EFL1: variants seen among roughly 807,000 people sequenced by gnomAD.
EFL1 encodes elongation factor like GTPase 1.
Under a neutral mutation model 126.7 loss-of-function variants are expected in EFL1, and 76 were observed. That is an observed-to-expected ratio of 0.60 (90% CI 0.50 to 0.73). The LOEUF (loss-of-function observed/expected upper bound fraction) is 0.73. Among genes scored for constraint, EFL1 ranks in the 30% least tolerant of loss-of-function variants. The pLI, the probability that EFL1 is intolerant of heterozygous loss-of-function variation, is 0.00. For synonymous variants in EFL1, 410 were observed against 448.4 expected (o/e 0.91, Z 1.08); for missense variants, 1,128 against 1,343.2 (o/e 0.84, Z 2.50).
intron 7 of EFL1, among the ~76,000 whole-genome samples, chr15:82,233,483 T>C (rs912375498): frequency 1.4e-4 from 21 of 152,180 alleles, no homozygotes; most frequent in African/African-American, 4.8e-4. Flanking sequence ...ACACACCCTT[T>C]TGCCCTCCAA....
Position 82,152,055 on chromosome 15 carries a change from A to C in EFL1, c.2399T>G (p.Ile800Ser). The change falls in exon 18 of 20, where the codon ATT (isoleucine) becomes AGT (serine). Residue 800 changes from isoleucine (I) to serine (S), a missense_variant. Ile to Ser is a moderately radical substitution (Grantham distance 142, BLOSUM62 -2). This residue lies in a region of EFL1 where 561 missense variants were observed against 641.7 expected (regional missense o/e 0.87). Coordinates refer to ENST00000268206, the MANE Select transcript of EFL1 (RefSeq NM_024580.6). ...HMIHQKTQEK[I>S]WEFKGKLEQH... ...CTCCAGTTTTCCTTTGAATTCCCAA[A>C]TTTTCTCTTGGGTCTTCTGATGAAT... is the stretch of plus-strand genomic sequence containing the variant. The C allele has an allele frequency of 6.2e-7, 1 of 1,613,850 alleles. No homozygotes were observed. The highest frequency in any genetic ancestry group is 8.5e-7 in the Non-Finnish European group (1 of 1,179,978).
At chr15:82,153,665 T>C (rs2073936930) in intron 17 of EFL1, among the ~76,000 whole-genome samples, 1 of 152,222 alleles carries the variant, frequency 6.6e-6, no homozygotes, top group African/African-American at 2.4e-5. Flanking sequence ...CATTATGCTA[T>C]ACTGAAAAAT....
rs1367712356 is a variant in EFL1, at chr15:82,228,216, C to T, written c.1044G>A (p.Trp348Ter). ...KVQINAICSQ[W>*]LPISHAVLAM... Reference sequence around the variant, plus strand: ...CAAGAACAGCATGGGATATGGGTAGCCACTGACTGCAAATGGCGTTGATCT... The same window carrying T: ...CAAGAACAGCATGGGATATGGGTAGTCACTGACTGCAAATGGCGTTGATCT... The change falls in exon 10 of 20, where the codon TGG (tryptophan) becomes TGA (stop). Residue 348 changes from tryptophan (W) to a stop codon, truncating the protein, a stop_gained. Transcript: ENST00000268206. LOFTEE classifies it high-confidence loss of function. 1 of 1,613,374 alleles carries T rather than the reference C, an allele frequency of 6.2e-7. No homozygotes were observed. The highest frequency in any genetic ancestry group is 8.5e-7 in the Non-Finnish European group (1 of 1,179,850).
chr15:82,238,192 T>C lies in EFL1; in HGVS notation c.731+115A>G, dbSNP rs1306640024. ...AAGGGCACCAGAGAACTCTCTGCAT[T>C]ATCTCTTACAACTATAGGTGAATCT... On this transcript the variant is annotated intron_variant, in intron 7 of 19. Coordinates refer to ENST00000268206, the MANE Select transcript of EFL1 (RefSeq NM_024580.6). 5.2e-6 allele frequency: 6 copies of C among 1,149,966 alleles called. No individual in the cohort carries two copies. In the Admixed American group the frequency reaches 1.2e-4, roughly 24 times the overall value. 71.2% of individuals were successfully genotyped at this position (1,149,966 alleles called of 1,614,324 possible). A position where few individuals can be genotyped will look rare whatever the true frequency, so the allele number is the denominator to read the frequency against.
At position 82,174,396 on chromosome 15, in the gene EFL1, TA is replaced by T. The variant is rs544214683; in HGVS notation, c.1751-10413del. The T allele has an allele frequency of 6.6e-5, 10 of 151,424 alleles. No homozygotes were observed. In the South Asian group the frequency reaches 8.4e-4, roughly 13 times the overall value. 9.4% of individuals were successfully genotyped at this position (151,424 alleles called of 1,614,324 possible). A position where few individuals can be genotyped will look rare whatever the true frequency, so the allele number is the denominator to read the frequency against. ...CTACCAAGTAAGTACCTATGATGAT[TA>T]AAAAAAAATGTTTAAAAATAACTAG... On this transcript the variant is annotated intron_variant, in intron 15 of 19. Transcript: ENST00000268206.
intron 4 of EFL1, among the ~76,000 whole-genome samples, chr15:82,244,247 AG>A (rs2141330257): frequency 6.6e-6 from 1 of 152,246 alleles, no homozygotes; most frequent in South Asian, 2.1e-4. Flanking sequence ...CTGTGACTTC[AG>A]CCACATTATG....
intron 19 of EFL1, among the ~76,000 whole-genome samples, chr15:82,137,330 T>C (rs1435304283): frequency 1.3e-5 from 2 of 152,160 alleles, no homozygotes; most frequent in Admixed American, 6.5e-5. Flanking sequence ...CAGCTTAGCA[T>C]TGAAGCTAAA....
At chr15:82,165,190 G>A (rs925390189) in intron 15 of EFL1, among the ~76,000 whole-genome samples, 2 of 152,072 alleles carry the variant, frequency 1.3e-5, no homozygotes, top group African/African-American at 4.8e-5. Context: ...GATCGCTTAA[G>A]CACAGGAGTT....
At chr15:82,179,849 G>C (rs1282966246) in intron 15 of EFL1, among the ~76,000 whole-genome samples, 2 of 151,792 alleles carry the variant, frequency 1.3e-5, no homozygotes, top group Non-Finnish European at 2.9e-5. Flanking sequence ...TCAAGGTGGA[G>C]AGGGTGAAAC....
intron 14 of EFL1, among the ~76,000 whole-genome samples, chr15:82,217,692 C>G (rs2074665224): frequency 6.6e-6 from 1 of 152,170 alleles, no homozygotes; most frequent in East Asian, 1.9e-4. Flanking sequence ...AAAAGTGCCC[C>G]TCCCATGATG....
chr15:82,189,636 T>C (rs1057431271), intron 15 of EFL1, among the ~76,000 whole-genome samples: 15 of 152,138 alleles, frequency 9.9e-5, no homozygotes, highest in African/African-American at 3.4e-4. Context: ...TCTCCCAATG[T>C]CTCCCCTGTA....
At position 82,152,019 on chromosome 15, in the gene EFL1, G is replaced by A; in HGVS notation, c.2435C>T (p.Thr812Ile). ...AACAATGTTCCTCCATCTTCTCCCTGTTAGGTGTTGCTCCAGTTTTCCTTT... is the reference window on the plus strand; with the variant it reads ...AACAATGTTCCTCCATCTTCTCCCTATTAGGTGTTGCTCCAGTTTTCCTTT... The part of the protein sequence containing the change: ...EFKGKLEQHL[T>I]GRRWRNIVDQ... Residue 812 changes from threonine to isoleucine, a missense_variant, in exon 18 of 20, where the codon ACA (threonine) becomes ATA (isoleucine). This residue lies in a region of EFL1 where 561 missense variants were observed against 641.7 expected (regional missense o/e 0.87). Transcript: ENST00000268206. 6.2e-7 allele frequency: 1 copy of A among 1,614,138 alleles called. No homozygotes were observed. The highest frequency in any genetic ancestry group is 8.5e-7 in the Non-Finnish European group (1 of 1,180,040).
intron 15 of EFL1, among the ~76,000 whole-genome samples, chr15:82,198,477 G>C (rs143542416): frequency 5.3e-4 from 81 of 152,312 alleles, no homozygotes; most frequent in Non-Finnish European, 1.1e-3. Flanking sequence ...TCCTGCTTAT[G>C]AGAAGAGATC....
chr15:82,164,852 G>A (rs540679664), intron 15 of EFL1, among the ~76,000 whole-genome samples: 9 of 149,750 alleles, frequency 6.0e-5, no homozygotes, highest in Admixed American at 2.0e-4. Flanking sequence ...AGCCAAGATC[G>A]TGCCACTGCA....
intron 15 of EFL1, among the ~76,000 whole-genome samples, chr15:82,176,597 TCA>T (rs1398673143): frequency 1.3e-5 from 2 of 152,132 alleles, no homozygotes; most frequent in Non-Finnish European, 2.9e-5. Flanking sequence ...ACTTCTCTAG[TCA>T]CCAGCAAAAT....
chr15:82,248,193 G>C (rs1314462531), intron 4 of EFL1, among the ~76,000 whole-genome samples: 1 of 152,086 alleles, frequency 6.6e-6, no homozygotes, highest in East Asian at 1.9e-4. Flanking sequence ...CGTGTACCTA[G>C]TTTCTTAGGC....
At chr15:82,230,555 T>C (rs780784743) in intron 8 of EFL1, among the ~76,000 whole-genome samples, 39 of 151,774 alleles carry the variant, frequency 2.6e-4, no homozygotes, top group Non-Finnish European at 5.0e-4. Flanking sequence ...CAGCACAAAA[T>C]GTGTGTCTTC....
intron 15 of EFL1, among the ~76,000 whole-genome samples, chr15:82,198,374 C>CT (rs1216058759): frequency 6.6e-6 from 1 of 152,304 alleles, no homozygotes; most frequent in African/African-American, 2.4e-5. Context: ...CCAAGAAAGC[C>CT]ATTCTGGACC....
intron 4 of EFL1, 44 bp from the exon 5 acceptor site, chr15:82,241,447 C>G (rs1226736545): frequency 8.8e-6 from 14 of 1,588,942 alleles, no homozygotes; most frequent in Non-Finnish European, 1.2e-5. Context: ...TGTCCAGGTA[C>G]ACAATGTTCT....
Sources: gnomAD v4.1 joint callset for allele counts (sites outside exome capture counted in the v4.1 genomes callset) on GRCh38, gnomAD v4.1.1 for gene constraint, gnomAD v4.1.1 regional missense constraint, MANE v1.5 for transcripts, NCBI Gene and HGNC (gene_info 2026-07-23, HGNC 2026-07-21) for gene names.